Variants in THSD4 observed in about 807,000 individuals in gnomAD.
THSD4 encodes the protein thrombospondin type-1 domain-containing protein 4.
In THSD4, 69 loss-of-function variants were observed where a neutral mutation model predicts 119.0. The observed-to-expected ratio is 0.58, with a 90% confidence interval of 0.48 to 0.71. The LOEUF is 0.71. Among genes scored for constraint, THSD4 ranks in the 30% least tolerant of loss-of-function variants. The pLI, the probability that THSD4 is intolerant of heterozygous loss-of-function variation, is 0.00. For synonymous variants in THSD4, 524 were observed against 540.4 expected, an observed-to-expected ratio of 0.97 and a Z score of 0.42; for missense variants, 1,393 against 1,391.1, an observed-to-expected ratio of 1.00 and a Z score of -0.02.
At chr15:71,697,517 C>CAAAG (rs1567106789) in intron 8 of THSD4, among the ~76,000 whole-genome samples, 1 of 152,112 alleles carries the variant, frequency 6.6e-6, no homozygotes, top group Non-Finnish European at 1.5e-5. Flanking sequence ...GGCAGGCAGG[C>CAAAG]AAAGAAGTAG....
At chr15:71,462,650 A>G (rs2047444648) in intron 7 of THSD4, among the ~76,000 whole-genome samples, 1 of 152,160 alleles carries the variant, frequency 6.6e-6, no homozygotes, top group Non-Finnish European at 1.5e-5. Flanking sequence ...CTTAATTTTT[A>G]TTCTCTCTGG....
intron 5 of THSD4, among the ~76,000 whole-genome samples, chr15:71,254,614 T>G (rs2044293803): frequency 1.3e-5 from 2 of 152,222 alleles, no homozygotes; most frequent in Admixed American, 1.3e-4. Context: ...ACTTGGGGAC[T>G]GCTGCAGGGA....
chr15:71,664,023 C>T (rs1259456838), intron 8 of THSD4, among the ~76,000 whole-genome samples: 1 of 151,986 alleles, frequency 6.6e-6, no homozygotes, highest in Non-Finnish European at 1.5e-5. Context: ...CACTCTGTCG[C>T]CCAGGCTGGA....
At chr15:71,343,562 C>CT (rs1188304149) in intron 6 of THSD4, among the ~76,000 whole-genome samples, 1 of 152,102 alleles carries the variant, frequency 6.6e-6, no homozygotes, top group Non-Finnish European at 1.5e-5. Context: ...CCTTCCTTGA[C>CT]TTTTAGGCAC....
chr15:71,326,456 C>T (rs2045339527), intron 6 of THSD4, among the ~76,000 whole-genome samples: 3 of 150,634 alleles, frequency 2.0e-5, no homozygotes, highest in Admixed American at 6.6e-5. Context: ...GCGGGTGGAT[C>T]GCCTGAGGTC....
chr15:71,250,495 T>G (rs1157990053), intron 5 of THSD4, among the ~76,000 whole-genome samples: 1 of 152,142 alleles, frequency 6.6e-6, no homozygotes, highest in East Asian at 1.9e-4. Context: ...TTATTTTTAT[T>G]TTTTGTAGAG....
intron 8 of THSD4, among the ~76,000 whole-genome samples, chr15:71,723,858 A>G (rs1281557836): frequency 6.6e-6 from 1 of 151,960 alleles, no homozygotes; most frequent in African/African-American, 2.4e-5. Context: ...GCTTGAGCTT[A>G]AGAATTCAAG....
At chr15:71,174,821 TCCCTGAC>T (rs1011637893) in intron 3 of THSD4, among the ~76,000 whole-genome samples, 5 of 151,922 alleles carry the variant, frequency 3.3e-5, no homozygotes, top group African/African-American at 1.2e-4. Context: ...CTCAAGTGGG[TCCCTGAC>T]CCCTGACCCC....
At chr15:71,224,974 TG>T (rs1251126175) in intron 4 of THSD4, among the ~76,000 whole-genome samples, 4 of 152,162 alleles carry the variant, frequency 2.6e-5, no homozygotes, top group Non-Finnish European at 5.9e-5. Flanking sequence ...TGGACATCTT[TG>T]GAAGGGAGGG....
At chr15:71,466,977 G>C (rs1263332076) in intron 7 of THSD4, among the ~76,000 whole-genome samples, 1 of 152,228 alleles carries the variant, frequency 6.6e-6, no homozygotes, top group Non-Finnish European at 1.5e-5. Context: ...GGTGTCCCCT[G>C]TGAGGCATTG....
intron 6 of THSD4, among the ~76,000 whole-genome samples, chr15:71,402,717 G>C (rs573777499): frequency 1.3e-5 from 2 of 152,144 alleles, no homozygotes; most frequent in Non-Finnish European, 2.9e-5. Flanking sequence ...CAGGCACAGC[G>C]CAAGCTCCAG....
chr15:71,562,307 CT>C (rs2049136565), intron 7 of THSD4, among the ~76,000 whole-genome samples: 1 of 152,144 alleles, frequency 6.6e-6, no homozygotes, highest in Admixed American at 6.5e-5. Context: ...ATAGTTTGTT[CT>C]GTCAGTATGC....
intron 14 of THSD4, among the ~76,000 whole-genome samples, chr15:71,755,328 C>T (rs1041292043): frequency 2.0e-5 from 3 of 152,144 alleles, no homozygotes; most frequent in African/African-American, 7.2e-5. Flanking sequence ...TGTGATTTTA[C>T]AAGACTAGAT....
intron 7 of THSD4, among the ~76,000 whole-genome samples, chr15:71,658,417 G>A (rs1408038872): frequency 6.6e-6 from 1 of 152,186 alleles, no homozygotes; most frequent in African/African-American, 2.4e-5. Flanking sequence ...GCAACAGACT[G>A]GAGGTTGGGA....
intron 7 of THSD4, among the ~76,000 whole-genome samples, chr15:71,515,352 T>C (rs570500985): frequency 2.1e-4 from 32 of 152,284 alleles, no homozygotes; most frequent in Admixed American, 1.2e-3. Flanking sequence ...TCTTTAAAAA[T>C]GTTAATTTGA....
At chr15:71,337,890 T>A (rs938183685) in intron 6 of THSD4, among the ~76,000 whole-genome samples, 1 of 152,218 alleles carries the variant, frequency 6.6e-6, no homozygotes, top group African/African-American at 2.4e-5. Flanking sequence ...TACTAATGAC[T>A]GTGGGCAACT....
intron 7 of THSD4, among the ~76,000 whole-genome samples, chr15:71,603,595 A>C (rs1033923345): frequency 6.6e-6 from 1 of 152,208 alleles, no homozygotes; most frequent in African/African-American, 2.4e-5. Flanking sequence ...TCAGGAGGGG[A>C]ATCCTAATAT....
chr15:71,746,000 G>A (rs2053330026), intron 12 of THSD4, among the ~76,000 whole-genome samples: 1 of 152,154 alleles, frequency 6.6e-6, no homozygotes, highest in Non-Finnish European at 1.5e-5. Flanking sequence ...AGGGGAAAGG[G>A]CCCTAAAAGG....
intron 1 of THSD4, among the ~76,000 whole-genome samples, chr15:71,102,544 C>T (rs1021132989): frequency 1.3e-5 from 2 of 151,720 alleles, no homozygotes; most frequent in African/African-American, 4.8e-5. Context: ...CTAATATTTC[C>T]ATTTGGTTTG....
Sources: gnomAD v4.1 joint callset for allele counts (sites outside exome capture counted in the v4.1 genomes callset) on GRCh38, gnomAD v4.1.1 for gene constraint, MANE v1.5 for transcripts, NCBI Gene and HGNC (gene_info 2026-07-23, HGNC 2026-07-21) for gene names.